PTPRA: variants seen among roughly 807,000 people sequenced by gnomAD.
The protein encoded by PTPRA is protein tyrosine phosphatase receptor type A, also known as receptor-type tyrosine-protein phosphatase alpha.
In PTPRA, 25 loss-of-function variants were observed where a neutral mutation model predicts 104.8. The observed-to-expected ratio is 0.24, with a 90% CI of 0.17 to 0.33. The LOEUF is 0.33. PTPRA is among the 10% of genes least tolerant of loss of function. The probability of loss-of-function intolerance (pLI) is 1.00; values close to 1 mark genes in which losing one functional copy is unlikely to be tolerated. For missense variants in PTPRA, 765 were observed against 1,015.3 expected, an observed-to-expected ratio of 0.75 and a Z score of 3.35; for synonymous variants, 323 against 368.9, an observed-to-expected ratio of 0.88 and a Z score of 1.43.
At chr20:2,977,854 A>C (rs2148048662) in intron 6 of PTPRA, among the ~76,000 whole-genome samples, 1 of 152,192 alleles carries the variant, frequency 6.6e-6, no homozygotes, top group South Asian at 2.1e-4. Context: ...TGTGAACATC[A>C]GGAACCGAAG....
upstream of PTPRA, among the ~76,000 whole-genome samples, chr20:2,870,283 G>A (rs1420460680): frequency 5.9e-5 from 9 of 151,906 alleles, no homozygotes; most frequent in African/African-American, 9.7e-5. Context: ...CAGGAGAATC[G>A]CTTGAACCCG....
intron 2 of PTPRA, among the ~76,000 whole-genome samples, chr20:2,942,726 TATATATTTA>T (rs1449080411): frequency 6.6e-6 from 1 of 150,664 alleles, no homozygotes; most frequent in African/African-American, 2.4e-5. Context: ...TTCTATATGA[TATATATTTA>T]ATATAATTAA....
chr20:3,021,432 G>C lies in PTPRA; in HGVS notation c.1161+4G>C, dbSNP rs561765004. 1.2e-6 allele frequency: 2 copies of C among 1,613,970 alleles called. No individual in the cohort carries two copies. The highest frequency in any genetic ancestry group is 2.7e-5 in the African/African-American group (2 of 75,064). On this transcript the variant is annotated splice_donor_region_variant and intron_variant, in intron 14 of 23. Transcript: ENST00000399903. ...ACGGAAGTTCTGCATCCAGCAGGTAGTGTCTCCTCTGTCCTTTCTCAGTTC... is the reference window on the plus strand; with the variant it reads ...ACGGAAGTTCTGCATCCAGCAGGTACTGTCTCCTCTGTCCTTTCTCAGTTC...
chr20:2,992,245 G>A (rs903825974), intron 9 of PTPRA, among the ~76,000 whole-genome samples: 5 of 152,132 alleles, frequency 3.3e-5, no homozygotes, highest in Admixed American at 6.5e-5. Context: ...AGACCGGCCC[G>A]GTGGCTCATG....
intron 2 of PTPRA, among the ~76,000 whole-genome samples, chr20:2,935,295 T>C (rs1378873228): frequency 6.6e-6 from 1 of 152,204 alleles, no homozygotes; most frequent in Non-Finnish European, 1.5e-5. Flanking sequence ...CCTCCAGGTT[T>C]ATCCATGTTA....
intron 1 of PTPRA, among the ~76,000 whole-genome samples, chr20:2,909,805 TATAATATAAGATAA>T (rs2059565344): frequency 7.4e-6 from 1 of 135,546 alleles, no homozygotes; most frequent in African/African-American, 2.8e-5. Context: ...AGATAATATA[TATAATATAAGATAA>T]TATATATTAG....
At chr20:3,015,531 C>T (rs1272578900) in intron 11 of PTPRA, among the ~76,000 whole-genome samples, 1 of 152,076 alleles carries the variant, frequency 6.6e-6, no homozygotes, top group South Asian at 2.1e-4. Context: ...CTCTCACACT[C>T]TTGACCTTAG....
intron 6 of PTPRA, among the ~76,000 whole-genome samples, chr20:2,983,005 C>G (rs1260307829): frequency 6.6e-6 from 1 of 152,076 alleles, no homozygotes; most frequent in Non-Finnish European, 1.5e-5. Flanking sequence ...GCCGTAACAG[C>G]TAAAATGAAG....
intron 20 of PTPRA, among the ~76,000 whole-genome samples, chr20:3,032,503 C>T (rs541518740): frequency 4.6e-5 from 7 of 152,146 alleles, no homozygotes; most frequent in Non-Finnish European, 7.4e-5. Context: ...CGCGGTGGCT[C>T]ACGCCTGTAA....
intron 2 of PTPRA, among the ~76,000 whole-genome samples, chr20:2,932,119 A>G (rs1247354069): frequency 6.6e-6 from 1 of 152,220 alleles, no homozygotes; most frequent in Admixed American, 6.5e-5. Flanking sequence ...CATTGTGTCA[A>G]AGAGAACCAG....
At chr20:2,910,055 TATC>T (rs1247177536) in intron 1 of PTPRA, among the ~76,000 whole-genome samples, 147 of 123,160 alleles carry the variant, frequency 1.2e-3, no homozygotes, top group Admixed American at 1.3e-3. Flanking sequence ...ATATATATCA[TATC>T]ATATATAATA....
intron 1 of PTPRA, among the ~76,000 whole-genome samples, chr20:2,874,982 C>A (rs1329584910): frequency 6.6e-6 from 1 of 152,176 alleles, no homozygotes. Context: ...CCAAGCTCCA[C>A]TTTTTCTTTT....
intron 1 of PTPRA, among the ~76,000 whole-genome samples, chr20:2,874,162 T>A (rs1161255433): frequency 6.6e-6 from 1 of 152,090 alleles, no homozygotes; most frequent in Non-Finnish European, 1.5e-5. Flanking sequence ...GTGACCAACT[T>A]TTCTTTCCCT....
chr20:3,000,037 G>A (rs533691657), intron 9 of PTPRA, among the ~76,000 whole-genome samples: 1 of 152,276 alleles, frequency 6.6e-6, no homozygotes, highest in East Asian at 1.9e-4. Flanking sequence ...TGTAATCCCA[G>A]CACTTTGGGA....
intron 1 of PTPRA, among the ~76,000 whole-genome samples, chr20:2,915,081 CTTT>C (rs575270752): frequency 1.4e-5 from 2 of 144,976 alleles, no homozygotes; most frequent in East Asian, 4.0e-4. Context: ...CATTCTTCTT[CTTT>C]TTTTTTTTTA....
chr20:2,959,428 C>G (rs1435311430), intron 3 of PTPRA, among the ~76,000 whole-genome samples: 1 of 152,108 alleles, frequency 6.6e-6, no homozygotes, highest in East Asian at 1.9e-4. Context: ...ATTTTCTTAG[C>G]TGTTCGTTTT....
At chr20:2,981,012 G>A (rs1427513644) in intron 6 of PTPRA, among the ~76,000 whole-genome samples, 1 of 152,038 alleles carries the variant, frequency 6.6e-6, no homozygotes, top group Non-Finnish European at 1.5e-5. Context: ...CTCTCTTGTG[G>A]TTGCCTAGAA....
At chr20:2,868,862 T>G (rs1454521828), upstream of PTPRA, among the ~76,000 whole-genome samples, 1 of 152,094 alleles carries the variant, frequency 6.6e-6, no homozygotes, top group African/African-American at 2.4e-5. Flanking sequence ...TATTTACTCA[T>G]AGGCTATGTA....
intron 3 of PTPRA, among the ~76,000 whole-genome samples, chr20:2,959,391 G>T (rs2061663165): frequency 6.6e-6 from 1 of 152,114 alleles, no homozygotes; most frequent in Admixed American, 6.6e-5. Flanking sequence ...CATTTGATTA[G>T]TGGGGACAGT....
Sources: allele counts gnomAD v4.1 joint callset (sites outside exome capture counted in the v4.1 genomes callset), GRCh38; gene constraint gnomAD v4.1.1; transcripts MANE v1.5; gene names NCBI Gene and HGNC (gene_info 2026-07-23, HGNC 2026-07-21).